Variants in CMYA5 observed in about 807,000 individuals in gnomAD.
The protein encoded by CMYA5 is cardiomyopathy-associated protein 5.
Under a neutral mutation model 318.9 loss-of-function variants are expected in CMYA5, and 246 were observed. The observed-to-expected ratio is 0.77, with a 90% CI of 0.70 to 0.86. CMYA5 has a LOEUF of 0.86. CMYA5 is among the 40% of genes least tolerant of loss of function. CMYA5 has a pLI of 0.00. For missense variants in CMYA5, 4,589 were observed against 4,678.2 expected, an observed-to-expected ratio of 0.98 and a Z score of 0.56; for synonymous variants, 1,641 against 1,729.5, an observed-to-expected ratio of 0.95 and a Z score of 1.27.
chr5:79,746,459 G>T (rs1160899368), intron 4 of CMYA5, among the ~76,000 whole-genome samples: 1 of 137,854 alleles, frequency 7.3e-6, no homozygotes, highest in African/African-American at 2.7e-5. Flanking sequence ...GAAGCATAAT[G>T]TTAATTAAGT....
At chr5:79,748,145 C>T (rs1365371455) in intron 5 of CMYA5, among the ~76,000 whole-genome samples, 2 of 151,992 alleles carry the variant, frequency 1.3e-5, no homozygotes, top group East Asian at 3.9e-4. Flanking sequence ...AATAGAATTC[C>T]CCAAGGAGCT....
At chr5:79,727,906 A>G (rs1827780526) in intron 1 of CMYA5, among the ~76,000 whole-genome samples, 1 of 152,232 alleles carries the variant, frequency 6.6e-6, no homozygotes, top group South Asian at 2.1e-4. Flanking sequence ...ACACTTCTGT[A>G]TCCTGTAGCA....
chr5:79,770,751 T>A (rs1828841011), intron 9 of CMYA5, among the ~76,000 whole-genome samples: 1 of 152,152 alleles, frequency 6.6e-6, no homozygotes, highest in African/African-American at 2.4e-5. Flanking sequence ...CAGCTTTAAA[T>A]AAAGTGTGTT....
At chr5:79,727,595 A>C (rs544224695) in intron 1 of CMYA5, among the ~76,000 whole-genome samples, 7 of 152,332 alleles carry the variant, frequency 4.6e-5, no homozygotes, top group African/African-American at 1.7e-4. Flanking sequence ...CCTAGGAGGA[A>C]ATATGTTTAT....
chr5:79,764,895 G>A (rs1296213139), intron 9 of CMYA5, among the ~76,000 whole-genome samples: 1 of 151,914 alleles, frequency 6.6e-6, no homozygotes, highest in Admixed American at 6.6e-5. Context: ...TAAGCCCTTT[G>A]TCAGATGGAT....
intron 1 of CMYA5, among the ~76,000 whole-genome samples, chr5:79,728,376 G>T (rs747584015): frequency 4.7e-4 from 72 of 151,604 alleles, no homozygotes; most frequent in Non-Finnish European, 8.5e-4. Context: ...AAAGCAGGGG[G>T]TGGCATACTG....
rs1251658835 is a variant in CMYA5, at chr5:79,735,165, C to T, written c.6400C>T (p.Pro2134Ser). The change falls in exon 2 of 13, where the codon CCC becomes TCC. Residue 2134 changes from proline (P) to serine (S), a missense_variant. Physicochemically the swap from Pro to Ser is moderately conservative, Grantham distance 74 (BLOSUM62 -1). Transcript: ENST00000446378. ...PEVKIPTQRK[P>S]ISSIHAREPQ... ...AGTAAAAATACCCACACAAAGAAAA[C>T]CCATCTCCTCAATCCATGCAAGAGA... The T allele has an allele frequency of 1.2e-6, 2 of 1,613,390 alleles. No homozygotes were observed. The highest frequency in any genetic ancestry group is 1.7e-6 in the Non-Finnish European group (2 of 1,179,742).
chr5:79,733,321 C>T lies in CMYA5; in HGVS notation c.4556C>T (p.Thr1519Ile), dbSNP rs1827964297. ...VSSQKKSLMS[T>I]SEVLEPEHEL... Reference sequence around the variant, plus strand: ...TCACAGAAGAAGAGCTTGATGTCTACCTCAGAGGTGTTAGAGCCTGAACAT... The same window carrying T: ...TCACAGAAGAAGAGCTTGATGTCTATCTCAGAGGTGTTAGAGCCTGAACAT... Residue 1519 changes from threonine to isoleucine, a missense_variant, in exon 2 of 13, where the codon ACC becomes ATC. Physicochemically the swap from Thr to Ile is moderately conservative, Grantham distance 89 (BLOSUM62 -1). Transcript: ENST00000446378. The T allele has an allele frequency of 6.2e-7, 1 of 1,613,468 alleles. No homozygotes were observed.
chr5:79,744,755 G>A lies in CMYA5; in HGVS notation c.10735-467G>A, dbSNP rs184796141. ...ATCTGGATGTGTCTGGACAGGCAAC[G>A]AAGTTTCTCCCACTGTGGGATAACC... On this transcript the variant is annotated intron_variant, in intron 3 of 12. Coordinates refer to ENST00000446378, the MANE Select transcript of CMYA5 (RefSeq NM_153610.5). Among the ~76,000 whole-genome samples, 5 of 152,312 alleles carry A rather than the reference G, an allele frequency of 3.3e-5. No individual in the cohort carries two copies. In the East Asian group the frequency reaches 5.8e-4, roughly 18 times the overall value.
chr5:79,742,586 A>AGTTACAG (rs751717550), intron 2 of CMYA5, among the ~76,000 whole-genome samples: 1 of 152,168 alleles, frequency 6.6e-6, no homozygotes, highest in South Asian at 2.1e-4. Flanking sequence ...TCCAGGAGCC[A>AGTTACAG]ATGGCTGCAG....
intron 4 of CMYA5, among the ~76,000 whole-genome samples, chr5:79,745,851 C>T (rs758352000): frequency 1.4e-4 from 22 of 152,360 alleles, no homozygotes; most frequent in Admixed American, 1.1e-3. Context: ...GAAGTGACCA[C>T]TCATATGGGC....
chr5:79,778,911 T>A (rs1260085273), intron 9 of CMYA5, among the ~76,000 whole-genome samples: 15 of 113,552 alleles, frequency 1.3e-4, no homozygotes, highest in East Asian at 4.8e-4. Context: ...TTTTTTTTTT[T>A]AATTTTTTTT....
rs747354644 is a variant in CMYA5 at position 79,732,792 on chromosome 5, AT to A, written c.4029del (p.Glu1346LysfsTer13). The A allele has an allele frequency of 6.8e-6, 11 of 1,613,768 alleles. No homozygotes were observed. The highest frequency in any genetic ancestry group is 8.5e-6 in the Non-Finnish European group (10 of 1,179,814). ...AGCATTTTCAGCTTTGTCAGAAGAA[AT>A]TAAAAAAGAAATTGAACCCAGTTCC... ...ALAFSALSEE[I>X]KKEIEPSSST... On this transcript the variant is annotated frameshift_variant, in exon 2 of 13. Transcript: ENST00000446378. LOFTEE classifies it high-confidence loss of function.
rs1370274512 is a variant in CMYA5, at chr5:79,734,226, C to T, written c.5461C>T (p.Gln1821Ter). Residue 1821 changes from glutamine to a stop codon, truncating the protein, a stop_gained, in exon 2 of 13, where the codon CAA (glutamine) becomes TAA (stop). Transcript: ENST00000446378. LOFTEE classifies it high-confidence loss of function. ...TGCTCCTTCTGACCTCCTTGTAGAACAAAAAAAGACAGAAAAAGCACTTCA... is the reference window on the plus strand; with the variant it reads ...TGCTCCTTCTGACCTCCTTGTAGAATAAAAAAAGACAGAAAAAGCACTTCA... The part of the protein sequence containing the change: ...KIAPSDLLVE[Q>*]KKTEKALHSD... 24 of 1,612,918 alleles carry T rather than the reference C, an allele frequency of 1.5e-5. No individual in the cohort carries two copies. Among genetic ancestry groups the T allele is most frequent in the Non-Finnish European group, 1.9e-5 (23 of 1,179,558 alleles).
In CMYA5 at chr5:79,731,621, G is replaced by T; in HGVS notation, c.2856G>T (p.Val952=). 1 of 1,613,802 alleles carries T rather than the reference G, an allele frequency of 6.2e-7. No individual in the cohort carries two copies. The highest frequency in any genetic ancestry group is 1.1e-5 in the South Asian group (1 of 91,038). ...IGPFSPDSAF[V]SEFSFPPYAT... The stretch of plus-strand genomic sequence containing the variant: ...CTTTTTCTCCAGATTCTGCATTTGT[G>T]TCAGAATTCTCATTTCCACCGTATG... The change falls in exon 2 of 13, where the codon GTG becomes GTT. Residue 952 remains valine (V), a synonymous_variant. Transcript: ENST00000446378.
Position 79,709,960 on chromosome 5 carries a change from C to CAAAAAAAAAA in CMYA5, c.150-18936_150-18927dup, listed in dbSNP as rs61657639. ...TGGGTGACAGAGTGAGACTCCATCT[C>CAAAAAAAAAA]AAAAAAAAAAAAAAAAAAAAAAAAA... On this transcript the variant is annotated intron_variant, in intron 1 of 12. Coordinates refer to ENST00000446378, the MANE Select transcript of CMYA5 (RefSeq NM_153610.5). Among the ~76,000 whole-genome samples, 62 of 24,298 alleles carry CAAAAAAAAAA rather than the reference C, an allele frequency of 2.6e-3. 1 individual carries two copies. Among genetic ancestry groups the CAAAAAAAAAA allele is most frequent in the African/African-American group, 2.9e-3 (19 of 6,618 alleles). 15.9% of individuals were successfully genotyped at this position (24,298 alleles called of 152,430 possible).
intron 12 of CMYA5, among the ~76,000 whole-genome samples, chr5:79,794,075 C>T (rs1005498789): frequency 1.3e-5 from 2 of 152,152 alleles, no homozygotes; most frequent in Admixed American, 1.3e-4. Flanking sequence ...AGTCCCTCCA[C>T]AGAGAAGGAA....
rs1283057365 is a variant in CMYA5 at position 79,747,129 on chromosome 5, T to C, written c.10991+16T>C. The stretch of plus-strand genomic sequence containing the variant: ...TCAATGAAAGGTATATAAAACATGA[T>C]ACAATGTAGTGGCAAACAGCATGAC... On this transcript the variant is annotated intron_variant, in intron 5 of 12. Transcript: ENST00000446378. 4 of 1,545,006 alleles carry C rather than the reference T, an allele frequency of 2.6e-6. No homozygotes were observed. The highest frequency in any genetic ancestry group is 3.5e-6 in the Non-Finnish European group (4 of 1,144,058).
At position 79,790,870 on chromosome 5, in the gene CMYA5, G is replaced by A. The variant is rs139290608; in HGVS notation, c.11690-100G>A. On this transcript the variant is annotated intron_variant, in intron 10 of 12. Transcript: ENST00000446378. Reference sequence around the variant, plus strand: ...AAGACACTTCGTGGGGGATTTTGACGTCAGGGGAAAGAGTCTAGGGTCTGA... The same window carrying A: ...AAGACACTTCGTGGGGGATTTTGACATCAGGGGAAAGAGTCTAGGGTCTGA... 169 of 737,644 alleles carry A rather than the reference G, an allele frequency of 2.3e-4. No individual in the cohort carries two copies. In the East Asian group the frequency reaches 3.4e-3, roughly 15 times the overall value. 45.7% of individuals were successfully genotyped at this position (737,644 alleles called of 1,614,324 possible).
Sources: allele counts gnomAD v4.1 joint callset (sites outside exome capture counted in the v4.1 genomes callset), GRCh38; gene constraint gnomAD v4.1.1; transcripts MANE v1.5; gene names NCBI Gene and HGNC (gene_info 2026-07-23, HGNC 2026-07-21).